Variants in PRKDC observed in about 807,000 individuals in gnomAD.
PRKDC encodes protein kinase, DNA-activated, catalytic subunit.
A neutral mutation model predicts 486.9 loss-of-function variants in PRKDC; 82 were observed. The ratio of observed to expected loss-of-function variants is 0.17; its 90% CI spans 0.14 to 0.20. The LOEUF (loss-of-function observed/expected upper bound fraction) is 0.20, where lower values mean the gene tolerates loss of function less well. Among genes scored for constraint, PRKDC ranks in the 10% least tolerant of loss-of-function variants. The pLI, the probability that PRKDC is intolerant of heterozygous loss-of-function variation, is 1.00. For synonymous variants in PRKDC, 1,895 were observed against 1,837.0 expected, an observed-to-expected ratio of 1.03 and a Z score of -0.81; for missense variants, 4,504 against 5,038.2, an observed-to-expected ratio of 0.89 and a Z score of 3.21.
chr8:47,785,417 T>A, intron 76 of PRKDC, 100 bp from the exon 77 acceptor site: 1 of 936,224 alleles, frequency 1.1e-6, no homozygotes, highest in African/African-American at 1.7e-5. Flanking sequence ...CTCAATGGTA[T>A]ATGTTTCTTC....
At chr8:47,817,240 G>T (rs1329450305) in intron 68 of PRKDC, among the ~76,000 whole-genome samples, 1 of 152,056 alleles carries the variant, frequency 6.6e-6, no homozygotes, top group South Asian at 2.1e-4. Context: ...AGCACCTCCC[G>T]ACAGCAGCGT....
intron 27 of PRKDC, among the ~76,000 whole-genome samples, chr8:47,901,510 C>A (rs2089682683): frequency 6.6e-6 from 1 of 152,018 alleles, no homozygotes; most frequent in African/African-American, 2.4e-5. Flanking sequence ...AAAGAAAAAC[C>A]ATGAAACAAC....
rs749623090 is a variant in PRKDC, at chr8:47,885,919, T to C, written c.4776+25A>G. 32 of 1,598,936 alleles carry C rather than the reference T, an allele frequency of 2.0e-5. No homozygotes were observed. In the South Asian group the frequency reaches 3.4e-4, roughly 17 times the overall value. ...ACAAACAAACAAACAAAAAAAACAG[T>C]TTATTTAAAGGGAAACTTTGTTACC... On this transcript the variant is annotated intron_variant, in intron 36 of 85. Transcript: ENST00000314191.
rs529803126 is a variant in PRKDC at position 47,890,516 on chromosome 8, T to C, written c.3848-36A>G. 7 of 1,401,474 alleles carry C rather than the reference T, an allele frequency of 5.0e-6. No homozygotes were observed. The African/African-American group carries it at 1.0e-4, about 20-fold the overall frequency. 86.8% of individuals were successfully genotyped at this position (1,401,474 alleles called of 1,614,324 possible). A position where few individuals can be genotyped will look rare whatever the true frequency, so the allele number is the denominator to read the frequency against. Reference sequence around the variant, plus strand: ...TTATATTAAAGTATTAATATATGCTTCCTTTCAACTCCACTAAGATTAACA... The same window carrying C: ...TTATATTAAAGTATTAATATATGCTCCCTTTCAACTCCACTAAGATTAACA... On this transcript the variant is annotated intron_variant, in intron 31 of 85. Transcript: ENST00000314191.
intron 19 of PRKDC, among the ~76,000 whole-genome samples, 186 bp downstream of exon 19, chr8:47,928,906 G>A (rs2090202792): frequency 6.6e-6 from 1 of 151,898 alleles, no homozygotes; most frequent in African/African-American, 2.4e-5. Context: ...TGGTCAGGCT[G>A]GTCTCGAACT....
At chr8:47,829,813 G>A (rs898492845) in intron 61 of PRKDC, among the ~76,000 whole-genome samples, 5 of 152,134 alleles carry the variant, frequency 3.3e-5, no homozygotes, top group African/African-American at 9.7e-5. Context: ...CCATATTCAC[G>A]GATTAGAAGC....
intron 9 of PRKDC, 95 bp from the exon 10 acceptor site, chr8:47,943,461 T>C (rs928393158): frequency 7.6e-7 from 1 of 1,307,786 alleles, no homozygotes; most frequent in Non-Finnish European, 1.0e-6. Flanking sequence ...GTCAACACTG[T>C]GCTCAGGAAG....
At chr8:47,796,056 A>G (rs902490579) in intron 73 of PRKDC, among the ~76,000 whole-genome samples, 1 of 151,676 alleles carries the variant, frequency 6.6e-6, no homozygotes, top group Non-Finnish European at 1.5e-5. Flanking sequence ...CATCATGCCC[A>G]GCTAATTTTT....
At chr8:47,840,560 T>C (rs934425658) in intron 54 of PRKDC, among the ~76,000 whole-genome samples, 2 of 152,236 alleles carry the variant, frequency 1.3e-5, no homozygotes, top group African/African-American at 4.8e-5. Flanking sequence ...TTATGTGTAC[T>C]ATCTTTCAAC....
chr8:47,793,683 T>TA (rs397892514), intron 74 of PRKDC, among the ~76,000 whole-genome samples: 8,280 of 72,814 alleles, frequency 0.11, 959 homozygotes, highest in African/African-American at 0.3. Context: ...TTAAAAAAAC[T>TA]AAAAAAAAAA....
In PRKDC at chr8:47,785,182, G is replaced by T. The variant is rs752237050; in HGVS notation, c.11038C>A (p.Leu3680Met). ...CTCATCCAGGGTGAACATTCTTTCA[G>T]ATTCCCAGGGGGCTTTGAGTCTTTG... ...MNKDSKPPGN[L>M]KECSPWMSDF... is the part of the protein sequence containing the mutation. Residue 3680 changes from leucine (L) to methionine (M), a missense_variant, in exon 77 of 86, where the codon CTG becomes ATG. By Grantham distance (15) the Leu-to-Met change is conservative. Coordinates refer to ENST00000314191, the MANE Select transcript of PRKDC (RefSeq NM_006904.7). 1.2e-6 allele frequency: 2 copies of T among 1,613,830 alleles called. No homozygotes were observed. Among genetic ancestry groups the T allele is most frequent in the African/African-American group, 2.7e-5 (2 of 74,910 alleles).
At chr8:47,939,174 A>G (rs1366013247) in intron 11 of PRKDC, among the ~76,000 whole-genome samples, 3 of 152,220 alleles carry the variant, frequency 2.0e-5, no homozygotes, top group African/African-American at 7.2e-5. Flanking sequence ...AGTACACAGC[A>G]GACACTGAAG....
rs80079683 is a variant in PRKDC, at chr8:47,937,944, G to A, written c.1114-1427C>T. 3.1e-3 allele frequency among the ~76,000 whole-genome samples: 468 copies of A among 152,196 alleles called. 1 individual carries two copies. The highest frequency in any genetic ancestry group is 6.0e-3 in the Non-Finnish European group (405 of 68,016). ...AGTCTGTGTAACGAAGTGAGATATC[G>A]TCTCTACGAAAGATTAAAAAATTTG... On this transcript the variant is annotated intron_variant, in intron 11 of 85. Transcript: ENST00000314191.
intron 58 of PRKDC, among the ~76,000 whole-genome samples, chr8:47,835,414 T>C (rs2087992081): frequency 2.6e-5 from 4 of 151,846 alleles, no homozygotes. Flanking sequence ...GGTCAGGATA[T>C]CTAGACCATC....
In PRKDC at chr8:47,807,407, A is replaced by G. The variant is rs1053737149; in HGVS notation, c.9558-81T>C. On this transcript the variant is annotated intron_variant, in intron 68 of 85. Transcript: ENST00000314191. Reference sequence around the variant, plus strand: ...TAGCAATTACAGGCAGAAATTCTAAACCTTAGTAAATGTTTGTTCTTTTTT... The same window carrying G: ...TAGCAATTACAGGCAGAAATTCTAAGCCTTAGTAAATGTTTGTTCTTTTTT... 9.0e-6 allele frequency: 11 copies of G among 1,223,756 alleles called. No homozygotes were observed. In the Admixed American group the frequency reaches 1.7e-4, roughly 19 times the overall value. The allele number at this position is 1,223,756 out of a possible 1,614,324, so 75.8% of individuals were successfully genotyped here.
At position 47,853,854 on chromosome 8, in the gene PRKDC, T is replaced by A. The variant is rs185193876; in HGVS notation, c.6893+229A>T. ...CAGACAAGAATTTTTTTGGTATAGA[T>A]GCGGTCTTGCTATGCTGTCCAGGCT... is the stretch of plus-strand genomic sequence containing the variant. On this transcript the variant is annotated intron_variant, in intron 51 of 85. Transcript: ENST00000314191. Among the ~76,000 whole-genome samples the A allele has an allele frequency of 3.7e-4, 57 of 152,338 alleles. No individual in the cohort carries two copies. In the East Asian group the frequency reaches 0.011, roughly 28 times the overall value.
At position 47,778,746 on chromosome 8, in the gene PRKDC, A is replaced by G. The variant is rs1180793274; in HGVS notation, c.11633T>C (p.Val3878Ala). ...VTSFRKRESK[V>A]PADLLKRAFV... ...TACTTACTTTAAGAGATCAGCAGGC[A>G]CTTTACTTTCTCGTTTTCTAAAAGA... Residue 3878 changes from valine (V) to alanine (A), a missense_variant, in exon 82 of 86, where the codon GTG becomes GCG. This residue lies in a region of PRKDC where 706 missense variants were observed against 945.0 expected (regional missense o/e 0.75). Transcript: ENST00000314191. 5 of 1,613,738 alleles carry G rather than the reference A, an allele frequency of 3.1e-6. No homozygotes were observed. The highest frequency in any genetic ancestry group is 2.7e-5 in the African/African-American group (2 of 74,952).
chr8:47,852,806 C>T (rs368867428), intron 51 of PRKDC, 22 bp from the exon 52 acceptor site: 4 of 1,398,186 alleles, frequency 2.9e-6, no homozygotes, highest in Non-Finnish European at 3.0e-6. Flanking sequence ...ACAGAAAAGA[C>T]ATATGCATCA....
rs1326262468 is a variant in PRKDC, at chr8:47,881,915, T to C, written c.4959A>G (p.Leu1653=). ...GCTTTTTAAAGGAATTGAATACCTG[T>C]AAAATTTTTGCCAGTAAGGCCAGCA... ...MAVLALLAKI[L]QIDSSVSFNT... The change falls in exon 37 of 86, where the codon TTA becomes TTG. Residue 1653 remains leucine, a synonymous_variant. Transcript: ENST00000314191. 5 of 1,604,746 alleles carry C rather than the reference T, an allele frequency of 3.1e-6. No individual in the cohort carries two copies. The highest frequency in any genetic ancestry group is 1.7e-5 in the Admixed American group (1 of 58,786).
Sources: allele counts gnomAD v4.1 joint callset (sites outside exome capture counted in the v4.1 genomes callset), GRCh38; gene constraint gnomAD v4.1.1; regional missense constraint gnomAD v4.1.1; transcripts MANE v1.5; gene names NCBI Gene and HGNC (gene_info 2026-07-23, HGNC 2026-07-21).